WWOX: variants seen among roughly 807,000 people sequenced by gnomAD.
WWOX encodes the protein WW domain containing oxidoreductase.
In WWOX, 69 loss-of-function variants were observed where a neutral mutation model predicts 46.2. That is an observed-to-expected ratio of 1.49 (90% CI 1.23 to 1.82). The LOEUF (loss-of-function observed/expected upper bound fraction) is 1.82. Ranked by LOEUF, WWOX falls within the 40% of genes most tolerant of loss-of-function variation. The pLI is 0.00. For missense variants in WWOX, 919 were observed against 542.6 expected, an observed-to-expected ratio of 1.69 and a Z score of -6.89; for synonymous variants, 359 against 202.6, an observed-to-expected ratio of 1.77 and a Z score of -6.56.
chr16:79,064,160 T>G (rs749998026), intron 8 of WWOX, among the ~76,000 whole-genome samples: 38 of 152,168 alleles, frequency 2.5e-4, no homozygotes, highest in Non-Finnish European at 5.4e-4. Context: ...ACAGGCAAAA[T>G]GTGGGTTTAG....
intron 8 of WWOX, among the ~76,000 whole-genome samples, chr16:79,107,334 C>T (rs1417084280): frequency 6.6e-6 from 1 of 151,148 alleles, no homozygotes; most frequent in East Asian, 2.0e-4. Flanking sequence ...GTGATCCGCC[C>T]TTCTCGGCCT....
chr16:78,508,713 G>C (rs1343576284), intron 8 of WWOX, among the ~76,000 whole-genome samples: 1 of 152,212 alleles, frequency 6.6e-6, no homozygotes, highest in African/African-American at 2.4e-5. Context: ...CATGGAGAAA[G>C]AGTTGGGAAG....
intron 8 of WWOX, among the ~76,000 whole-genome samples, chr16:78,766,625 G>T (rs1008592134): frequency 1.3e-5 from 2 of 152,188 alleles, no homozygotes; most frequent in African/African-American, 2.4e-5. Context: ...CAGAGGCCTT[G>T]TGAGTTAGCT....
At chr16:78,349,718 T>C (rs1340601716) in intron 5 of WWOX, among the ~76,000 whole-genome samples, 1 of 118,366 alleles carries the variant, frequency 8.4e-6, no homozygotes, top group East Asian at 1.9e-4. Flanking sequence ...GTTTCAGTGA[T>C]TGAAATTATG....
chr16:78,216,801 G>C (rs944056719), intron 5 of WWOX, among the ~76,000 whole-genome samples: 13 of 151,896 alleles, frequency 8.6e-5, no homozygotes, highest in Non-Finnish European at 5.9e-5. Context: ...GCTTGATCTT[G>C]GCTCACTGCA....
Position 78,858,633 on chromosome 16 carries a change from C to G in WWOX, c.1057-352975C>G, listed in dbSNP as rs1244867382. ...GAGAAGGCTTTGAGGAGGGAATTTT[C>G]TTTCTTTTTTCTTTACCTGTCATGT... On this transcript the variant is annotated intron_variant, in intron 8 of 8. Coordinates refer to ENST00000566780, the MANE Select transcript of WWOX (RefSeq NM_016373.4). Among the ~76,000 whole-genome samples the G allele has an allele frequency of 5.9e-5, 9 of 151,870 alleles. 1 individual carries two copies. The South Asian group carries it at 1.0e-3, about 18-fold the overall frequency.
intron 8 of WWOX, among the ~76,000 whole-genome samples, chr16:78,884,495 G>A (rs76035540): frequency 0.021 from 3,161 of 152,130 alleles, 110 homozygotes; most frequent in Admixed American, 0.092. Flanking sequence ...CCACACAAGA[G>A]GAGACTACTC....
chr16:78,899,284 T>G (rs947709497), intron 8 of WWOX: 3 of 152,186 alleles, frequency 2.0e-5, no homozygotes, highest in African/African-American at 7.2e-5. Context: ...TGTTCATATA[T>G]ATATGTTTTA....
chr16:79,091,600 C>A (rs546182305), intron 8 of WWOX, among the ~76,000 whole-genome samples: 5 of 151,972 alleles, frequency 3.3e-5, no homozygotes, highest in Non-Finnish European at 7.4e-5. Flanking sequence ...GGGAACTGTG[C>A]CCTTTGCAAG....
Position 78,495,154 on chromosome 16 carries a change from T to TTTTTTTTG in WWOX, c.1056+62407_1056+62408insTTGTTTTT, listed in dbSNP as rs1451695194. Among the ~76,000 whole-genome samples, 144 of 146,274 alleles carry TTTTTTTTG rather than the reference T, an allele frequency of 9.8e-4. 1 individual carries two copies. The highest frequency in any genetic ancestry group is 3.5e-3 in the African/African-American group (143 of 40,620). On this transcript the variant is annotated intron_variant, in intron 8 of 8. Transcript: ENST00000566780. Reference sequence around the variant, plus strand: ...AGTAGACTGTTGTGTTCTTTTTTTTTTTTTTGAGATAGACTCTTGCCTGTC... The same window carrying TTTTTTTTG: ...AGTAGACTGTTGTGTTCTTTTTTTTTTTTTTTTGTTTTTGAGATAGACTCTTGCCTGTC...
chr16:78,263,950 A>G (rs904678434), intron 5 of WWOX, among the ~76,000 whole-genome samples: 2 of 141,690 alleles, frequency 1.4e-5, no homozygotes, highest in Non-Finnish European at 3.0e-5. Flanking sequence ...CCATCTCACG[A>G]CTTTTCCCTT....
Position 78,432,682 on chromosome 16 carries a change from C to A in WWOX, c.986C>A (p.Ser329Tyr), listed in dbSNP as rs1273912627. The A allele has an allele frequency of 6.2e-7, 1 of 1,614,188 alleles. No individual in the cohort carries two copies. The highest frequency in any genetic ancestry group is 8.5e-7 in the Non-Finnish European group (1 of 1,180,032). Residue 329 changes from serine to tyrosine, a missense_variant, in exon 8 of 9, where the codon TCC becomes TAC. By Grantham distance (144) the Ser-to-Tyr change is moderately radical (BLOSUM62 -2). Coordinates refer to ENST00000566780, the MANE Select transcript of WWOX (RefSeq NM_016373.4). The part of the protein sequence containing the change: ...NAVHPGNMMY[S>Y]NIHRSWWVYT... ...GTGCATCCTGGAAATATGATGTACT[C>A]CAACATTCATCGCAGCTGGTGGGTG...
At chr16:78,721,073 C>T (rs550604664) in intron 8 of WWOX, among the ~76,000 whole-genome samples, 2 of 152,174 alleles carry the variant, frequency 1.3e-5, no homozygotes, top group South Asian at 2.1e-4. Context: ...TATTGGTGAT[C>T]ACTTGTAGAT....
At chr16:78,537,395 C>G (rs2043785229) in intron 8 of WWOX, among the ~76,000 whole-genome samples, 1 of 152,198 alleles carries the variant, frequency 6.6e-6, no homozygotes, top group Non-Finnish European at 1.5e-5. Context: ...CACGTGTCTT[C>G]TAAGCGGTGG....
rs534843690 is a variant in WWOX, at chr16:78,933,710, A to G, written c.1057-277898A>G. ...AAGAGAGGAGAGCTTGTGTAGGGAA[A>G]CTCCTGTTTTTTAAAACTATCTGAT... On this transcript the variant is annotated intron_variant, in intron 8 of 8. Coordinates refer to ENST00000566780, the MANE Select transcript of WWOX (RefSeq NM_016373.4). Among the ~76,000 whole-genome samples the G allele has an allele frequency of 4.6e-5, 7 of 151,618 alleles. No homozygotes were observed. In the East Asian group the frequency reaches 1.4e-3, roughly 30 times the overall value.
chr16:79,157,979 T>TGGGG (rs2050414570), intron 8 of WWOX, among the ~76,000 whole-genome samples: 1 of 151,996 alleles, frequency 6.6e-6, no homozygotes, highest in Admixed American at 6.6e-5. Context: ...AAGGAGGTGG[T>TGGGG]GGGGTGTAAG....
At chr16:79,093,572 C>G (rs887023558) in intron 8 of WWOX, among the ~76,000 whole-genome samples, 2 of 152,112 alleles carry the variant, frequency 1.3e-5, no homozygotes, top group African/African-American at 4.8e-5. Flanking sequence ...AGGCAGTGGG[C>G]CCACTTCACC....
At chr16:78,382,993 A>T (rs1000776444) in intron 5 of WWOX, among the ~76,000 whole-genome samples, 2 of 151,402 alleles carry the variant, frequency 1.3e-5, no homozygotes, top group Non-Finnish European at 2.9e-5. Flanking sequence ...AAGCAGGCAA[A>T]TCTTAGCAGG....
Position 78,980,461 on chromosome 16 carries a change from A to C in WWOX, c.1057-231147A>C, listed in dbSNP as rs1013619098. On this transcript the variant is annotated intron_variant, in intron 8 of 8. Coordinates refer to ENST00000566780, the MANE Select transcript of WWOX (RefSeq NM_016373.4). ...TTGACAACATCACAGTCAAACCTCA[A>C]TTTTCACAATTAATTGTGCCGCAGT... 4.6e-5 allele frequency among the ~76,000 whole-genome samples: 7 copies of C among 152,276 alleles called. No individual in the cohort carries two copies. The East Asian group carries it at 1.3e-3, about 29-fold the overall frequency.
Sources: gnomAD v4.1 joint callset for allele counts (sites outside exome capture counted in the v4.1 genomes callset) on GRCh38, gnomAD v4.1.1 for gene constraint, MANE v1.5 for transcripts, NCBI Gene and HGNC (gene_info 2026-07-23, HGNC 2026-07-21) for gene names.